Variants in MAML2 observed in about 807,000 individuals in gnomAD.
The protein encoded by MAML2 is mastermind like transcriptional coactivator 2, also known as mastermind-like protein 2.
Under a neutral mutation model 96.1 loss-of-function variants are expected in MAML2, and 22 were observed. The ratio of observed to expected loss-of-function variants is 0.23; its 90% CI spans 0.16 to 0.33. The LOEUF (loss-of-function observed/expected upper bound fraction) is 0.33. MAML2 is among the 10% of genes least tolerant of loss of function. The probability of loss-of-function intolerance (pLI) is 1.00; values close to 1 mark genes in which losing one functional copy is unlikely to be tolerated. For synonymous variants in MAML2, 561 were observed against 521.3 expected (o/e 1.08, Z -1.04); for missense variants, 1,367 against 1,392.4 (o/e 0.98, Z 0.29).
chr11:96,162,176 C>A (rs1182776589), intron 1 of MAML2, among the ~76,000 whole-genome samples: 4 of 105,944 alleles, frequency 3.8e-5, no homozygotes, highest in South Asian at 3.0e-4. Context: ...ATCAATCTAA[C>A]TTTTTTTTTT....
chr11:96,060,087 A>C (rs982219322), intron 2 of MAML2, among the ~76,000 whole-genome samples: 17 of 152,248 alleles, frequency 1.1e-4, no homozygotes, highest in Non-Finnish European at 1.8e-4. Context: ...GGTCCAGGGA[A>C]CAGCACAAAG....
At chr11:96,012,687 A>G (rs1199512411) in intron 2 of MAML2, among the ~76,000 whole-genome samples, 1 of 152,212 alleles carries the variant, frequency 6.6e-6, no homozygotes, top group Admixed American at 6.5e-5. Context: ...TTTCTAGAAT[A>G]AACCTTTGAA....
intron 1 of MAML2, among the ~76,000 whole-genome samples, chr11:96,244,393 C>A (rs1862484722): frequency 6.6e-6 from 1 of 152,198 alleles, no homozygotes. Context: ...GTGGTTGTTA[C>A]ACTTCTAATA....
chr11:96,286,472 A>C (rs1351215195), intron 1 of MAML2, among the ~76,000 whole-genome samples: 1 of 152,234 alleles, frequency 6.6e-6, no homozygotes, highest in African/African-American at 2.4e-5. Flanking sequence ...TGTACCCCTG[A>C]ACTCAAACAT....
intron 2 of MAML2, among the ~76,000 whole-genome samples, chr11:96,078,131 C>A (rs1458588959): frequency 1.3e-5 from 2 of 152,220 alleles, no homozygotes; most frequent in South Asian, 2.1e-4. Context: ...GTTTCCATAG[C>A]AAAGTGCTCT....
intron 1 of MAML2, among the ~76,000 whole-genome samples, chr11:96,275,269 A>ATTTTTTTTT: frequency 8.9e-6 from 1 of 111,740 alleles, no homozygotes; most frequent in Non-Finnish European, 1.7e-5. Context: ...ACACTAAGGA[A>ATTTTTTTTT]TTTTTTTTTT....
intron 2 of MAML2, among the ~76,000 whole-genome samples, chr11:96,072,601 A>T (rs1236697275): frequency 6.6e-6 from 1 of 152,218 alleles, no homozygotes; most frequent in East Asian, 1.9e-4. Context: ...ACAGGGTGGC[A>T]TGCAGGTAAG....
At chr11:96,162,176 CTTTTT>C (rs36006515) in intron 1 of MAML2, among the ~76,000 whole-genome samples, 32 of 105,948 alleles carry the variant, frequency 3.0e-4, no homozygotes, top group African/African-American at 7.4e-4. Flanking sequence ...ATCAATCTAA[CTTTTT>C]TTTTTTTTTT....
intron 1 of MAML2, among the ~76,000 whole-genome samples, chr11:96,139,359 C>T (rs917841604): frequency 6.6e-5 from 10 of 151,790 alleles, no homozygotes; most frequent in African/African-American, 2.4e-4. Flanking sequence ...CGCCTGTAGC[C>T]CCAGCTACTG....
In MAML2 at chr11:95,976,992, G is replaced by A. The variant is rs1857660705; in HGVS notation, c.*1956C>T. 5.0e-6 allele frequency: 1 copy of A among 201,846 alleles called. No individual in the cohort carries two copies. Among genetic ancestry groups the A allele is most frequent in the South Asian group, 1.9e-4 (1 of 5,268 alleles). The allele number at this position is 201,846 out of a possible 1,614,324, so 12.5% of individuals were successfully genotyped here. A position where few individuals can be genotyped will look rare whatever the true frequency, so the allele number is the denominator to read the frequency against. On this transcript the variant is annotated 3_prime_UTR_variant, in exon 5 of 5. Coordinates refer to ENST00000524717, the MANE Select transcript of MAML2 (RefSeq NM_032427.4). ...ACTATGGGTTTAAAAAAGAATTTGG[G>A]AGCAGGACAAAAAACAAGGATTGAA...
At chr11:96,220,399 A>G (rs1259479004) in intron 1 of MAML2, among the ~76,000 whole-genome samples, 3 of 152,168 alleles carry the variant, frequency 2.0e-5, no homozygotes, top group Non-Finnish European at 1.5e-5. Context: ...GGCACCGGAC[A>G]TGGTGAGCCC....
intron 1 of MAML2, among the ~76,000 whole-genome samples, chr11:96,282,272 A>AATG (rs1371983824): frequency 4.6e-5 from 7 of 151,676 alleles, no homozygotes; most frequent in African/African-American, 1.5e-4. Context: ...TAATAATAAT[A>AATG]ATAATAATGA....
intron 1 of MAML2, among the ~76,000 whole-genome samples, chr11:96,107,915 G>T (rs1362683310): frequency 1.3e-5 from 2 of 152,160 alleles, no homozygotes; most frequent in Non-Finnish European, 2.9e-5. Context: ...TCTTCCATCT[G>T]GCTGTTCTGT....
chr11:96,037,207 A>AC (rs2135752631), intron 2 of MAML2, among the ~76,000 whole-genome samples: 1 of 152,258 alleles, frequency 6.6e-6, no homozygotes, highest in African/African-American at 2.4e-5. Context: ...AACAACAACA[A>AC]AAAAAATAAC....
intron 1 of MAML2, among the ~76,000 whole-genome samples, chr11:96,201,375 A>G (rs1412706179): frequency 6.6e-6 from 1 of 152,226 alleles, no homozygotes. Flanking sequence ...TTTGCCATGT[A>G]CAATTCCATC....
intron 2 of MAML2, among the ~76,000 whole-genome samples, chr11:96,070,127 T>C (rs1859319460): frequency 6.6e-6 from 1 of 151,456 alleles, no homozygotes; most frequent in South Asian, 2.1e-4. Context: ...CCGTCTCTAC[T>C]AAAAATACAA....
intron 1 of MAML2, among the ~76,000 whole-genome samples, chr11:96,179,203 C>T (rs1463119310): frequency 6.6e-6 from 1 of 152,088 alleles, no homozygotes; most frequent in South Asian, 2.1e-4. Context: ...TTCACCCCGG[C>T]TCATTATAAC....
intron 1 of MAML2, among the ~76,000 whole-genome samples, chr11:96,133,320 G>A (rs1591031627): frequency 6.6e-6 from 1 of 151,910 alleles, no homozygotes; most frequent in Non-Finnish European, 1.5e-5. Flanking sequence ...AATGTAGATC[G>A]GTAAGCAAAG....
chr11:96,169,519 G>T (rs934148334), intron 1 of MAML2, among the ~76,000 whole-genome samples: 2 of 152,238 alleles, frequency 1.3e-5, no homozygotes, highest in Non-Finnish European at 2.9e-5. Flanking sequence ...ACCTGGTCAC[G>T]TCCTGGGACG....
Sources: allele counts gnomAD v4.1 joint callset (sites outside exome capture counted in the v4.1 genomes callset), GRCh38; gene constraint gnomAD v4.1.1; transcripts MANE v1.5; gene names NCBI Gene and HGNC (gene_info 2026-07-23, HGNC 2026-07-21).